RGS6: variants seen among roughly 807,000 people sequenced by gnomAD.
RGS6 encodes regulator of G-protein signaling 6.
In RGS6, 30 loss-of-function variants were observed where a neutral mutation model predicts 78.5. The ratio of observed to expected loss-of-function variants is 0.38; its 90% confidence interval spans 0.29 to 0.52. The LOEUF (loss-of-function observed/expected upper bound fraction) is 0.52, where lower values mean the gene tolerates loss of function less well. RGS6 is among the 20% of genes least tolerant of loss of function. RGS6 has a pLI of 0.85. For missense variants in RGS6, 495 were observed against 609.7 expected (o/e 0.81, Z 1.98); for synonymous variants, 206 against 206.0 (o/e 1.00, Z 0.00).
the RGS6 span, among the ~76,000 whole-genome samples, chr14:72,591,614 G>A: frequency 2.6e-5 from 4 of 152,172 alleles, no homozygotes; most frequent in African/African-American, 9.7e-5. Flanking sequence ...AATTGAGCCC[G>A]TTCAGCTTCA....
intron 2 of RGS6, among the ~76,000 whole-genome samples, chr14:72,313,723 C>A (rs902749871): frequency 6.6e-6 from 1 of 152,122 alleles, no homozygotes; most frequent in Admixed American, 6.5e-5. Flanking sequence ...ATGATACATA[C>A]AAAGGGGCTA....
At chr14:71,981,212 C>T (rs2094434098) in intron 2 of RGS6, among the ~76,000 whole-genome samples, 1 of 151,152 alleles carries the variant, frequency 6.6e-6, no homozygotes, top group Non-Finnish European at 1.5e-5. Context: ...TTTGAATGTC[C>T]TCCCGTAGCT....
At position 72,415,682 on chromosome 14, in the gene RGS6, A is replaced by ACC. The variant is rs553139258; in HGVS notation, c.185-38840_185-38839dup. Among the ~76,000 whole-genome samples the ACC allele has an allele frequency of 4.0e-5, 6 of 151,604 alleles. No homozygotes were observed. In the South Asian group the frequency reaches 1.0e-3, roughly 26 times the overall value. ...GTTCCTATTCGGCCATCTTGGCTCCACCCCCCCGGCAACTGCCTATTGTTT... is the reference window on the plus strand; with the variant it reads ...GTTCCTATTCGGCCATCTTGGCTCCACCCCCCCCCGGCAACTGCCTATTGTTT... On this transcript the variant is annotated intron_variant, in intron 3 of 17. Transcript: ENST00000553525.
intron 2 of RGS6, among the ~76,000 whole-genome samples, chr14:71,985,296 G>A (rs2094651388): frequency 6.6e-6 from 1 of 152,052 alleles, no homozygotes; most frequent in African/African-American, 2.4e-5. Context: ...GCTAATTTTT[G>A]TATTTTTAGT....
intron 2 of RGS6, among the ~76,000 whole-genome samples, chr14:72,040,839 C>G (rs890458605): frequency 2.0e-5 from 3 of 152,114 alleles, no homozygotes; most frequent in African/African-American, 7.2e-5. Context: ...TGCTCTTGAT[C>G]AAGTGTGCTG....
intron 3 of RGS6, among the ~76,000 whole-genome samples, chr14:72,445,080 G>A (rs115826338): frequency 0.056 from 8,527 of 152,330 alleles, 425 homozygotes; most frequent in South Asian, 0.15. Context: ...CCTTCTGCCT[G>A]CTGTCCTCTT....
the RGS6 span, among the ~76,000 whole-genome samples, chr14:71,925,962 T>C: frequency 6.6e-6 from 1 of 151,804 alleles, no homozygotes; most frequent in Non-Finnish European, 1.5e-5. Flanking sequence ...ACCAAGGAGG[T>C]AAAAGATCTG....
chr14:72,022,780 A>C (rs368738520), intron 2 of RGS6, among the ~76,000 whole-genome samples: 6 of 152,144 alleles, frequency 3.9e-5, no homozygotes, highest in African/African-American at 1.4e-4. Context: ...GTTCTGGAAT[A>C]ATATTTGAGA....
chr14:72,287,391 G>A (rs949318802), intron 2 of RGS6, among the ~76,000 whole-genome samples: 1 of 152,132 alleles, frequency 6.6e-6, no homozygotes, highest in African/African-American at 2.4e-5. Flanking sequence ...CTTGATCTTA[G>A]AAGAAAAGCT....
intron 2 of RGS6, among the ~76,000 whole-genome samples, chr14:72,023,132 C>T (rs890831247): frequency 2.2e-4 from 33 of 152,200 alleles, no homozygotes; most frequent in African/African-American, 6.8e-4. Flanking sequence ...CCATGAATTT[C>T]CTTAGCCCTT....
chr14:72,316,248 A>T (rs1485348018), intron 2 of RGS6, among the ~76,000 whole-genome samples: 2 of 151,958 alleles, frequency 1.3e-5, no homozygotes, highest in South Asian at 2.1e-4. Flanking sequence ...TTTATTTTTT[A>T]AATTATACTT....
chr14:72,311,687 C>G (rs79834129), intron 2 of RGS6, among the ~76,000 whole-genome samples: 89 of 152,314 alleles, frequency 5.8e-4, no homozygotes, highest in Non-Finnish European at 8.8e-4. Flanking sequence ...AACAGCATCT[C>G]TGCAATAGGC....
intron 8 of RGS6, among the ~76,000 whole-genome samples, chr14:72,470,317 C>G (rs2096038632): frequency 1.3e-5 from 2 of 152,182 alleles, no homozygotes; most frequent in Admixed American, 6.5e-5. Context: ...GAGATCCTCC[C>G]AAAGGTAGAA....
chr14:72,027,917 T>C (rs2090182679), intron 2 of RGS6, among the ~76,000 whole-genome samples: 1 of 152,204 alleles, frequency 6.6e-6, no homozygotes. Flanking sequence ...TCTCTGATGT[T>C]GAGAGTGTTT....
At chr14:72,077,664 T>G (rs1331148387) in intron 2 of RGS6, among the ~76,000 whole-genome samples, 1 of 152,240 alleles carries the variant, frequency 6.6e-6, no homozygotes, top group Non-Finnish European at 1.5e-5. Context: ...CTGTCTTGAC[T>G]ACTGCAGGCA....
chr14:72,490,411 T>G (rs1436942536), intron 12 of RGS6, among the ~76,000 whole-genome samples: 1 of 152,190 alleles, frequency 6.6e-6, no homozygotes, highest in Non-Finnish European at 1.5e-5. Flanking sequence ...ATCAGCAGCA[T>G]GAAAACAAAC....
At chr14:72,479,756 T>C (rs143317009) in intron 12 of RGS6, among the ~76,000 whole-genome samples, 26 of 152,326 alleles carry the variant, frequency 1.7e-4, no homozygotes, top group African/African-American at 6.0e-4. Context: ...GGTCTCACTG[T>C]GGTTCCTTTG....
At chr14:72,489,160 C>CCCCG (rs1463576576) in intron 12 of RGS6, among the ~76,000 whole-genome samples, 3 of 149,556 alleles carry the variant, frequency 2.0e-5, no homozygotes, top group Non-Finnish European at 3.0e-5. Context: ...AAGGGGGCCC[C>CCCCG]CCCACCGGCT....
chr14:71,962,920 G>A (rs942576110), intron 1 of RGS6, among the ~76,000 whole-genome samples: 3 of 152,126 alleles, frequency 2.0e-5, no homozygotes, highest in East Asian at 3.9e-4. Flanking sequence ...GGCCTTTTCT[G>A]TCACGTATGG....
Sources: allele counts gnomAD v4.1 joint callset (sites outside exome capture counted in the v4.1 genomes callset), GRCh38; gene constraint gnomAD v4.1.1; transcripts MANE v1.5; gene names NCBI Gene and HGNC (gene_info 2026-07-23, HGNC 2026-07-21).